The following RORA variants were observed in gnomAD, a reference collection of about 807,000 sequenced individuals.
The protein encoded by RORA is nuclear receptor ROR-alpha.
RORA carries 7 observed loss-of-function variants against 69.5 expected under a neutral mutation model. The observed-to-expected ratio is 0.10, with a 90% CI of 0.06 to 0.19. RORA has a LOEUF of 0.19. Among genes scored for constraint, RORA ranks in the 10% least tolerant of loss-of-function variants. The pLI is 1.00. For missense variants in RORA, 457 were observed against 663.0 expected, an observed-to-expected ratio of 0.69 and a Z score of 3.41; for synonymous variants, 261 against 240.8, an observed-to-expected ratio of 1.08 and a Z score of -0.78.
chr15:60,665,034 C>T (rs940550137), intron 2 of RORA, among the ~76,000 whole-genome samples: 15 of 152,182 alleles, frequency 9.9e-5, no homozygotes, highest in African/African-American at 3.6e-4. Flanking sequence ...TTGGTTCCTG[C>T]TAAACTAAGG....
At chr15:61,023,664 C>T (rs1464077772) in intron 1 of RORA, among the ~76,000 whole-genome samples, 1 of 152,208 alleles carries the variant, frequency 6.6e-6, no homozygotes, top group Non-Finnish European at 1.5e-5. Context: ...GCTGGTGTTG[C>T]TGCAGTGTTC....
At chr15:60,955,190 T>C (rs1893229914) in intron 1 of RORA, among the ~76,000 whole-genome samples, 1 of 152,146 alleles carries the variant, frequency 6.6e-6, no homozygotes, top group African/African-American at 2.4e-5. Flanking sequence ...TAATCCCAGC[T>C]ACTGGGGAGG....
intron 1 of RORA, among the ~76,000 whole-genome samples, chr15:61,023,272 G>T (rs1799537311): frequency 6.6e-6 from 1 of 151,772 alleles, no homozygotes; most frequent in South Asian, 2.1e-4. Context: ...TGAGACTGGG[G>T]AAAAAAAGAG....
chr15:60,591,573 G>C (rs548805306), intron 2 of RORA, among the ~76,000 whole-genome samples: 61 of 152,140 alleles, frequency 4.0e-4, no homozygotes, highest in African/African-American at 1.4e-3. Flanking sequence ...GGGCCGCCCG[G>C]CAGGATTGGC....
intron 1 of RORA, among the ~76,000 whole-genome samples, chr15:60,931,876 T>C (rs1892382855): frequency 6.6e-6 from 1 of 152,192 alleles, no homozygotes; most frequent in Admixed American, 6.5e-5. Flanking sequence ...TCCTTCAATA[T>C]TAACACCATG....
intron 2 of RORA, among the ~76,000 whole-genome samples, chr15:60,672,608 GT>G (rs1303350417): frequency 6.6e-6 from 1 of 152,208 alleles, no homozygotes; most frequent in African/African-American, 2.4e-5. Flanking sequence ...AATCTACTCT[GT>G]TTTGACTCCA....
chr15:60,852,974 C>T (rs79617268), intron 1 of RORA, among the ~76,000 whole-genome samples: 1 of 152,234 alleles, frequency 6.6e-6, no homozygotes, highest in Non-Finnish European at 1.5e-5. Flanking sequence ...GCATCTCCCC[C>T]TGAAAGATTG....
chr15:60,771,021 C>T (rs552858371), intron 1 of RORA, among the ~76,000 whole-genome samples: 34 of 152,172 alleles, frequency 2.2e-4, no homozygotes, highest in Non-Finnish European at 3.8e-4. Flanking sequence ...CTTTGTTTAT[C>T]TGAAACTCAA....
chr15:60,957,958 CT>C (rs5813055), intron 1 of RORA, among the ~76,000 whole-genome samples: 139,394 of 150,218 alleles, frequency 0.93, 65,019 homozygotes, highest in South Asian at 0.99. Context: ...ATTTCAGAGT[CT>C]TTTTTTTTTT....
intron 1 of RORA, among the ~76,000 whole-genome samples, chr15:60,937,356 T>C (rs939548158): frequency 1.1e-4 from 17 of 152,212 alleles, no homozygotes; most frequent in Non-Finnish European, 2.5e-4. Flanking sequence ...GCTCATTTCA[T>C]AAGGCTTTTG....
At chr15:61,116,071 A>AAAAC (rs200371756) in intron 1 of RORA, among the ~76,000 whole-genome samples, 26 of 152,158 alleles carry the variant, frequency 1.7e-4, no homozygotes, top group East Asian at 7.7e-4. Context: ...AGCACTTAAA[A>AAAAC]AAACAAACAA....
chr15:60,856,479 G>A (rs2073380987), intron 1 of RORA, among the ~76,000 whole-genome samples: 1 of 116,746 alleles, frequency 8.6e-6, no homozygotes, highest in Non-Finnish European at 1.8e-5. Flanking sequence ...CGATTTTAAA[G>A]AATCACTGAC....
intron 2 of RORA, among the ~76,000 whole-genome samples, chr15:60,585,951 T>G (rs922602993): frequency 6.6e-6 from 1 of 152,222 alleles, no homozygotes; most frequent in Non-Finnish European, 1.5e-5. Flanking sequence ...ATTATGGGTT[T>G]AGCCGTCCAT....
intron 5 of RORA, among the ~76,000 whole-genome samples, chr15:60,509,552 C>G (rs1365238787): frequency 1.3e-5 from 2 of 152,142 alleles, no homozygotes; most frequent in African/African-American, 2.4e-5. Context: ...CACGCTTTGC[C>G]TAAGGCCTAT....
intron 1 of RORA, among the ~76,000 whole-genome samples, chr15:60,715,676 G>A (rs1291531191): frequency 3.3e-5 from 5 of 152,144 alleles, no homozygotes; most frequent in African/African-American, 4.8e-5. Context: ...TCCAAACAGT[G>A]CCCAACAGTA....
At chr15:60,560,543 G>C (rs2067504884) in intron 2 of RORA, among the ~76,000 whole-genome samples, 1 of 152,148 alleles carries the variant, frequency 6.6e-6, no homozygotes, top group South Asian at 2.1e-4. Flanking sequence ...AAAAAAATTA[G>C]CCGAGTGTGG....
rs530301277 is a variant in RORA, at chr15:61,060,483, G to A, written c.166+168570C>T. Among the ~76,000 whole-genome samples, 80 of 152,258 alleles carry A rather than the reference G, an allele frequency of 5.3e-4. 1 individual carries two copies. The highest frequency in any genetic ancestry group is 1.5e-3 in the Admixed American group (23 of 15,304). On this transcript the variant is annotated intron_variant, in intron 1 of 10. Transcript: ENST00000335670. ...TCAGGTACACCTCAGGGTAGGGGTC[G>A]GGGGCAAGGGTGACCGTGAGGTTCA... is the stretch of plus-strand genomic sequence containing the variant.
intron 1 of RORA, among the ~76,000 whole-genome samples, chr15:60,812,256 T>G (rs753670624): frequency 6.6e-6 from 1 of 152,180 alleles, no homozygotes; most frequent in Admixed American, 6.5e-5. Flanking sequence ...GTAATCCCAT[T>G]ACTTTGGGAG....
intron 2 of RORA, among the ~76,000 whole-genome samples, chr15:60,631,950 C>T (rs190744234): frequency 2.4e-4 from 36 of 152,336 alleles, no homozygotes; most frequent in African/African-American, 8.7e-4. Flanking sequence ...CTTTACTCTT[C>T]TCCGGGTTTA....
Sources: allele counts gnomAD v4.1 joint callset (sites outside exome capture counted in the v4.1 genomes callset), GRCh38; gene constraint gnomAD v4.1.1; transcripts MANE v1.5; gene names NCBI Gene and HGNC (gene_info 2026-07-23, HGNC 2026-07-21).